Variants in STK3 observed in about 807,000 individuals in gnomAD.
STK3 encodes the protein serine/threonine-protein kinase 3.
In STK3, 41 loss-of-function variants were observed where a neutral mutation model predicts 58.0. That is an observed-to-expected ratio of 0.71 (90% CI 0.55 to 0.92). STK3 has a LOEUF of 0.92. Ranked by LOEUF, STK3 falls within the 40% of genes least tolerant of loss-of-function variation. STK3 has a pLI of 0.00. For synonymous variants in STK3, 170 were observed against 191.0 expected, an observed-to-expected ratio of 0.89 and a Z score of 0.91; for missense variants, 479 against 602.7, an observed-to-expected ratio of 0.79 and a Z score of 2.15.
intron 1 of STK3, among the ~76,000 whole-genome samples, chr8:98,907,310 G>A (rs554296220): frequency 1.1e-4 from 16 of 151,970 alleles, no homozygotes; most frequent in South Asian, 2.1e-4. Context: ...TCAGGAGATC[G>A]AGACCATCCT....
At chr8:98,500,284 C>T (rs937059799) in intron 10 of STK3, among the ~76,000 whole-genome samples, 2 of 152,130 alleles carry the variant, frequency 1.3e-5, no homozygotes, top group Non-Finnish European at 2.9e-5. Context: ...GTAATCCCAG[C>T]ACTTTGGGAG....
intron 6 of STK3, among the ~76,000 whole-genome samples, chr8:98,663,189 C>A (rs1014005814): frequency 6.6e-6 from 1 of 152,048 alleles, no homozygotes; most frequent in African/African-American, 2.4e-5. Flanking sequence ...AAAAAAACAA[C>A]CCCAACAAAA....
intron 6 of STK3, among the ~76,000 whole-genome samples, chr8:98,623,259 A>G (rs1818461349): frequency 6.6e-6 from 1 of 152,140 alleles, no homozygotes; most frequent in African/African-American, 2.4e-5. Flanking sequence ...TAAAGGAAGG[A>G]AGGAAAAGTA....
At chr8:98,789,206 G>A (rs926220737) in intron 1 of STK3, among the ~76,000 whole-genome samples, 4 of 152,042 alleles carry the variant, frequency 2.6e-5, no homozygotes, top group African/African-American at 4.8e-5. Context: ...AAAATTCTTC[G>A]AACTGAACAA....
chr8:98,409,422 C>A (rs1290606497), intron 3 of STK3, among the ~76,000 whole-genome samples: 1 of 152,240 alleles, frequency 6.6e-6, no homozygotes, highest in Non-Finnish European at 1.5e-5. Context: ...CCATTCCCTG[C>A]ATCCTTCAGT....
rs574860316 is a variant in STK3, at chr8:98,656,459, C to T, written c.684+50008G>A. On this transcript the variant is annotated intron_variant, in intron 6 of 10. Coordinates refer to ENST00000419617, the MANE Select transcript of STK3 (RefSeq NM_006281.4). ...ATGTAACTAACCTGCACATTGTGCACATGTACCCTAAAACTTAAAGTATAA... is the reference window on the plus strand; with the variant it reads ...ATGTAACTAACCTGCACATTGTGCATATGTACCCTAAAACTTAAAGTATAA... Among the ~76,000 whole-genome samples, 2 of 151,478 alleles carry T rather than the reference C, an allele frequency of 1.3e-5. 1 individual carries two copies. Among genetic ancestry groups the T allele is most frequent in the South Asian group, 4.2e-4 (2 of 4,800 alleles).
At chr8:98,598,042 ACT>A in intron 6 of STK3, 1 of 985,204 alleles carries the variant, frequency 1.0e-6, no homozygotes, top group South Asian at 4.7e-5. Context: ...ATAAATTTGA[ACT>A]CTCATCTCTG....
intron 3 of STK3, chr8:98,426,952 T>G (rs1389728163): frequency 6.7e-6 from 1 of 150,248 alleles, no homozygotes; most frequent in African/African-American, 2.4e-5. Flanking sequence ...AGCTGTCCGT[T>G]CAGCACCACC....
intron 1 of STK3, among the ~76,000 whole-genome samples, chr8:98,809,290 A>T (rs1283088426): frequency 6.6e-6 from 1 of 152,202 alleles, no homozygotes; most frequent in East Asian, 1.9e-4. Context: ...CTGGCATCTG[A>T]AGTGGTGGAA....
At chr8:98,465,161 A>C (rs1820367507) in intron 10 of STK3, among the ~76,000 whole-genome samples, 1 of 152,164 alleles carries the variant, frequency 6.6e-6, no homozygotes, top group Non-Finnish European at 1.5e-5. Flanking sequence ...GAAGCCTAGC[A>C]ATCACCTTAG....
intron 3 of STK3, among the ~76,000 whole-genome samples, chr8:98,419,158 C>T (rs547636247): frequency 4.2e-4 from 64 of 152,172 alleles, no homozygotes; most frequent in African/African-American, 1.4e-3. Context: ...GCCAGGAGTT[C>T]GAGACCAGCC....
chr8:98,571,203 G>A (rs1474471035), intron 8 of STK3, among the ~76,000 whole-genome samples: 1 of 152,236 alleles, frequency 6.6e-6, no homozygotes, highest in Admixed American at 6.5e-5. Context: ...GGTGGCACAC[G>A]CCTGTAACCC....
At chr8:98,721,069 C>T (rs1396213617) in intron 4 of STK3, 2 of 984,024 alleles carry the variant, frequency 2.0e-6, no homozygotes, top group South Asian at 4.7e-5. Flanking sequence ...AGTAAGCACA[C>T]TCACCTGGCC....
chr8:98,419,067 A>T (rs964569035), intron 3 of STK3, among the ~76,000 whole-genome samples: 2 of 152,176 alleles, frequency 1.3e-5, no homozygotes, highest in African/African-American at 4.8e-5. Context: ...TGGCCCCAGG[A>T]GTCTGTGATC....
chr8:98,491,737 T>G (rs1444620202), intron 10 of STK3, among the ~76,000 whole-genome samples: 2 of 152,156 alleles, frequency 1.3e-5, no homozygotes, highest in African/African-American at 4.8e-5. Context: ...TCAAACAGCA[T>G]CTTAAAAACC....
intron 3 of STK3, among the ~76,000 whole-genome samples, chr8:98,760,191 G>C (rs1830532979): frequency 6.6e-6 from 1 of 152,030 alleles, no homozygotes; most frequent in South Asian, 2.1e-4. Context: ...ACCCACGCTA[G>C]AGTGCAGTGG....
intron 6 of STK3, among the ~76,000 whole-genome samples, chr8:98,624,283 G>A (rs1453856669): frequency 6.6e-6 from 1 of 152,182 alleles, no homozygotes; most frequent in Admixed American, 6.5e-5. Context: ...AACCTTTGAG[G>A]TTTTTTAAGT....
downstream of STK3, among the ~76,000 whole-genome samples, chr8:98,452,757 ATTTTTTTT>A (rs11329886): frequency 6.3e-5 from 7 of 110,470 alleles, no homozygotes; most frequent in African/African-American, 1.7e-4. Flanking sequence ...AGACTTGAAG[ATTTTTTTT>A]TTTTTTTTTT....
intron 8 of STK3, among the ~76,000 whole-genome samples, chr8:98,552,800 T>C (rs999730907): frequency 4.6e-5 from 7 of 152,030 alleles, no homozygotes; most frequent in Non-Finnish European, 2.9e-5. Context: ...TAGCATACAG[T>C]AGGTACTTGA....
Sources: allele counts gnomAD v4.1 joint callset (sites outside exome capture counted in the v4.1 genomes callset), GRCh38; gene constraint gnomAD v4.1.1; transcripts MANE v1.5; gene names NCBI Gene and HGNC (gene_info 2026-07-23, HGNC 2026-07-21).